Variants in DACH2 observed in about 807,000 individuals in gnomAD.
The protein encoded by DACH2 is dachshund family transcription factor 2.
DACH2 carries 17 observed loss-of-function variants against 35.8 expected under a neutral mutation model. The ratio of observed to expected loss-of-function variants is 0.48; its 90% confidence interval spans 0.33 to 0.71. DACH2 has a LOEUF of 0.71. DACH2 is among the 30% of genes least tolerant of loss of function. The probability of loss-of-function intolerance (pLI) is 0.02; values close to 1 mark genes in which losing one functional copy is unlikely to be tolerated. For missense variants in DACH2, 469 were observed against 472.7 expected, an observed-to-expected ratio of 0.99 and a Z score of 0.07; for synonymous variants, 195 against 177.3, an observed-to-expected ratio of 1.10 and a Z score of -0.79.
chrX:86,670,914 CT>C (rs913035177), intron 4 of DACH2, among the ~76,000 whole-genome samples: 1 of 111,887 alleles, frequency 8.9e-6, no homozygotes, highest in African/African-American at 3.3e-5. Flanking sequence ...GCTCTATTGT[CT>C]TTTCTGAGGA....
chrX:86,484,961 A>C (rs2037996721), intron 2 of DACH2, among the ~76,000 whole-genome samples: 1 of 111,749 alleles, frequency 8.9e-6, no homozygotes, highest in Non-Finnish European at 1.9e-5. Flanking sequence ...AATTATCTTA[A>C]AAATAACTGA....
chrX:86,630,236 G>A (rs1397904734), intron 3 of DACH2, among the ~76,000 whole-genome samples: 1 of 110,041 alleles, frequency 9.1e-6, no homozygotes, highest in East Asian at 2.8e-4. Flanking sequence ...GAGTACCTGG[G>A]TTTAAACCCC....
chrX:86,545,347 A>G (rs1036030396), intron 3 of DACH2, among the ~76,000 whole-genome samples: 4 of 111,438 alleles, frequency 3.6e-5, no homozygotes, highest in African/African-American at 9.8e-5. Flanking sequence ...TTGGAGCTGA[A>G]CATTGAGTAT....
At chrX:86,338,315 A>G (rs1602418871) in intron 1 of DACH2, among the ~76,000 whole-genome samples, 1 of 111,797 alleles carries the variant, frequency 8.9e-6, no homozygotes, top group African/African-American at 3.3e-5. Context: ...CATAATTGGA[A>G]GTAAAACACT....
In DACH2 at chrX:86,827,782, G is replaced by A. The variant is rs754960455; in HGVS notation, c.1751-4324G>A. On this transcript the variant is annotated intron_variant, in intron 11 of 11. Coordinates refer to ENST00000373125, the MANE Select transcript of DACH2 (RefSeq NM_053281.3). Reference sequence around the variant, plus strand: ...TCTGTGCAGCCTGAACACTGATGCCGGAACTCCAACTGATCATAGGCACGA... The same window carrying A: ...TCTGTGCAGCCTGAACACTGATGCCAGAACTCCAACTGATCATAGGCACGA... 1.4e-4 allele frequency: 159 copies of A among 1,163,930 alleles called. No homozygotes were observed. The South Asian group carries it at 2.4e-3, about 18-fold the overall frequency.
intron 1 of DACH2, among the ~76,000 whole-genome samples, chrX:86,289,710 T>C (rs1261575121): frequency 9.2e-6 from 1 of 108,164 alleles, no homozygotes; most frequent in East Asian, 3.0e-4. Context: ...CTGAGAATGA[T>C]GATTTCCAAT....
At chrX:86,793,683 T>C (rs964542897) in intron 7 of DACH2, among the ~76,000 whole-genome samples, 1 of 112,525 alleles carries the variant, frequency 8.9e-6, no homozygotes, top group Non-Finnish European at 1.9e-5. Context: ...TAATGTTCTC[T>C]ACTTTGAAGG....
At chrX:86,514,490 T>C in intron 3 of DACH2, 99 bp downstream of exon 3, 1 of 800,140 alleles carries the variant, frequency 1.2e-6, no homozygotes. Flanking sequence ...TCAGAGCTTT[T>C]CAAGCTCTAT....
chrX:86,653,417 G>A (rs754553042), intron 4 of DACH2, among the ~76,000 whole-genome samples: 1 of 111,181 alleles, frequency 9.0e-6, no homozygotes, highest in Non-Finnish European at 1.9e-5. Flanking sequence ...GGGGAGCAGG[G>A]TGACTCCCCA....
chrX:86,405,442 A>G (rs1413214866), intron 2 of DACH2, among the ~76,000 whole-genome samples: 3 of 111,125 alleles, frequency 2.7e-5, no homozygotes, highest in Non-Finnish European at 5.7e-5. Context: ...AATGACCCTT[A>G]CTCTAGTTCC....
At chrX:86,253,814 G>A (rs1273792040) in intron 1 of DACH2, among the ~76,000 whole-genome samples, 2 of 112,096 alleles carry the variant, frequency 1.8e-5, no homozygotes, top group African/African-American at 3.2e-5. Flanking sequence ...GACCCTATAA[G>A]TTACCCAGAC....
At chrX:86,832,076 A>G (rs1388244153) in intron 11 of DACH2, 30 bp from the exon 12 acceptor site, 1 of 1,066,412 alleles carries the variant, frequency 9.4e-7, no homozygotes, top group South Asian at 2.0e-5. Flanking sequence ...GACTCTTCAT[A>G]AGAACTAACT....
chrX:86,516,239 C>A (rs1166584332), intron 3 of DACH2, among the ~76,000 whole-genome samples: 1 of 112,011 alleles, frequency 8.9e-6, no homozygotes, highest in Admixed American at 9.4e-5. Flanking sequence ...CCATCTATTT[C>A]TTGCCTCCTG....
intron 2 of DACH2, among the ~76,000 whole-genome samples, chrX:86,442,355 TTG>T (rs780963312): frequency 0.014 from 1,001 of 71,266 alleles, 18 homozygotes; most frequent in African/African-American, 0.042. Flanking sequence ...AAGTAGTATT[TTG>T]TGTGTGTGTG....
chrX:86,345,002 T>C (rs2035473932), intron 1 of DACH2, among the ~76,000 whole-genome samples: 1 of 112,416 alleles, frequency 8.9e-6, no homozygotes, highest in Non-Finnish European at 1.9e-5. Context: ...AGGAATTCCA[T>C]AGTCTTACTT....
intron 7 of DACH2, among the ~76,000 whole-genome samples, chrX:86,762,958 C>G (rs940736693): frequency 3.6e-5 from 4 of 111,393 alleles, no homozygotes; most frequent in Non-Finnish European, 5.7e-5. Context: ...CCCAATACCC[C>G]CTACCATTCC....
intron 3 of DACH2, among the ~76,000 whole-genome samples, chrX:86,537,795 G>A (rs2038824039): frequency 9.0e-6 from 1 of 111,441 alleles, no homozygotes; most frequent in African/African-American, 3.3e-5. Flanking sequence ...AGGCCTCTGA[G>A]CCCAAGCCTG....
chrX:86,292,235 G>C (rs1229807618), intron 1 of DACH2, among the ~76,000 whole-genome samples: 3 of 92,461 alleles, frequency 3.2e-5, no homozygotes, highest in Non-Finnish European at 6.3e-5. Context: ...AGTATTCTCT[G>C]ATGGTAGTTT....
chrX:86,174,563 G>C (rs1365392684), intron 1 of DACH2, among the ~76,000 whole-genome samples: 1 of 112,215 alleles, frequency 8.9e-6, no homozygotes, highest in Non-Finnish European at 1.9e-5. Flanking sequence ...AATAAATATT[G>C]AACTAAGAAA....
Sources: allele counts gnomAD v4.1 joint callset (sites outside exome capture counted in the v4.1 genomes callset), GRCh38; gene constraint gnomAD v4.1.1; transcripts MANE v1.5; gene names NCBI Gene and HGNC (gene_info 2026-07-23, HGNC 2026-07-21).